LAMP3: variants seen among roughly 807,000 people sequenced by gnomAD.
LAMP3 encodes lysosome-associated membrane glycoprotein 3.
LAMP3 carries 26 observed loss-of-function variants against 34.8 expected under a neutral mutation model. That is an observed-to-expected ratio of 0.75 (90% CI 0.55 to 1.04). The LOEUF is 1.04. Among genes scored for constraint, LAMP3 ranks in the 50% least tolerant of loss-of-function variants. LAMP3 has a pLI of 0.00. For missense variants in LAMP3, 495 were observed against 524.0 expected, an observed-to-expected ratio of 0.94 and a Z score of 0.54; for synonymous variants, 180 against 201.9, an observed-to-expected ratio of 0.89 and a Z score of 0.92.
chr3:183,147,544 TGAA>T (rs770672997), intron 3 of LAMP3, among the ~76,000 whole-genome samples: 9 of 152,168 alleles, frequency 5.9e-5, no homozygotes, highest in Non-Finnish European at 1.3e-4. Context: ...TAATTTTTGA[TGAA>T]GACATATTTT....
intron 2 of LAMP3, among the ~76,000 whole-genome samples, chr3:183,153,423 C>A (rs1720718489): frequency 6.6e-6 from 1 of 152,076 alleles, no homozygotes; most frequent in Admixed American, 6.6e-5. Context: ...GACACTCTGC[C>A]CATGTTGGCT....
intron 3 of LAMP3, among the ~76,000 whole-genome samples, chr3:183,142,475 C>T (rs1256994189): frequency 4.6e-5 from 7 of 152,106 alleles, no homozygotes; most frequent in Admixed American, 3.9e-4. Flanking sequence ...GAATTCGCCA[C>T]GTGCATGCTT....
chr3:183,157,915 A>G (rs906938447), intron 1 of LAMP3, among the ~76,000 whole-genome samples: 2 of 152,166 alleles, frequency 1.3e-5, no homozygotes, highest in African/African-American at 4.8e-5. Flanking sequence ...CTATGTAGGA[A>G]GCCTTGGTGG....
chr3:183,144,279 T>C (rs147734681), intron 3 of LAMP3, among the ~76,000 whole-genome samples: 8 of 152,306 alleles, frequency 5.3e-5, no homozygotes, highest in African/African-American at 1.7e-4. Flanking sequence ...GCTAAAGATA[T>C]ACTATATGCG....
chr3:183,126,970 G>T (rs1719794414), intron 5 of LAMP3, among the ~76,000 whole-genome samples: 3 of 152,218 alleles, frequency 2.0e-5, no homozygotes, highest in Admixed American at 2.0e-4. Flanking sequence ...GTTCTAAAAA[G>T]AGATTATGAA....
chr3:183,134,030 T>C (rs1241154781), intron 5 of LAMP3, among the ~76,000 whole-genome samples: 1 of 152,208 alleles, frequency 6.6e-6, no homozygotes, highest in Non-Finnish European at 1.5e-5. Context: ...CCATATAGTA[T>C]GGTAACTTGC....
intron 3 of LAMP3, among the ~76,000 whole-genome samples, chr3:183,142,097 C>G (rs929844823): frequency 1.3e-5 from 2 of 152,186 alleles, no homozygotes; most frequent in African/African-American, 4.8e-5. Context: ...AGAAACATCT[C>G]TTTTAAAAAG....
In LAMP3 at chr3:183,123,042, G is replaced by C. The variant is rs1719705847; in HGVS notation, c.*1039C>G. 1 of 152,172 alleles carries C rather than the reference G, an allele frequency of 6.6e-6. No homozygotes were observed. The highest frequency in any genetic ancestry group is 6.5e-5 in the Admixed American group (1 of 15,278). The allele number at this position is 152,172 out of a possible 1,614,324, so 9.4% of individuals were successfully genotyped here. A position where few individuals can be genotyped will look rare whatever the true frequency, so the allele number is the denominator to read the frequency against. On this transcript the variant is annotated 3_prime_UTR_variant, in exon 6 of 6. Coordinates refer to ENST00000265598, the MANE Select transcript of LAMP3 (RefSeq NM_014398.4). Reference sequence around the variant, plus strand: ...GAGAATGAAATGAGATATAGATAAAGTGCTTAGCCTAGACTCTGGCACTTT... The same window carrying C: ...GAGAATGAAATGAGATATAGATAAACTGCTTAGCCTAGACTCTGGCACTTT...
intron 5 of LAMP3, chr3:183,133,068 G>A (rs1290662323): frequency 2.8e-6 from 1 of 355,732 alleles, no homozygotes; most frequent in African/African-American, 2.2e-5. Context: ...GGAAGATGGA[G>A]CTGTTGGGGC....
At chr3:183,139,741 CG>C (rs949118492) in intron 4 of LAMP3, among the ~76,000 whole-genome samples, 9 of 152,114 alleles carry the variant, frequency 5.9e-5, no homozygotes, top group African/African-American at 1.9e-4. Flanking sequence ...CGAATAAGGT[CG>C]GGGGGCAGTA....
intron 1 of LAMP3, 82 bp from the exon 2 acceptor site, chr3:183,154,473 G>T (rs765764598): frequency 1.7e-4 from 185 of 1,102,090 alleles, no homozygotes; most frequent in Non-Finnish European, 2.3e-4. Context: ...CTTAATGTCT[G>T]TTCATAAAAA....
intron 2 of LAMP3, 98 bp downstream of exon 2, chr3:183,153,584 T>C: frequency 1.3e-6 from 1 of 789,314 alleles, no homozygotes; most frequent in Non-Finnish European, 2.0e-6. Flanking sequence ...ATTGGTTTCA[T>C]TTAAAGACAC....
intron 5 of LAMP3, among the ~76,000 whole-genome samples, chr3:183,129,645 C>T (rs925688281): frequency 6.6e-6 from 1 of 152,150 alleles, no homozygotes; most frequent in Non-Finnish European, 1.5e-5. Flanking sequence ...TATCTTTAAA[C>T]TCTGATTACC....
chr3:183,149,479 A>T (rs1007980114), intron 3 of LAMP3, among the ~76,000 whole-genome samples: 9 of 141,664 alleles, frequency 6.4e-5, no homozygotes, highest in Non-Finnish European at 1.1e-4. Context: ...TGAGAGGCGG[A>T]GGTTGCAGTG....
chr3:183,161,048 A>G (rs1193142035), intron 1 of LAMP3: 1 of 152,320 alleles, frequency 6.6e-6, no homozygotes, highest in Non-Finnish European at 1.5e-5. Context: ...AGTTAACATC[A>G]CTGAGCAAAA....
Position 183,153,802 on chromosome 3 carries a change from C to A in LAMP3, c.639G>T (p.Gly213=). Residue 213 remains glycine (G), a synonymous_variant, in exon 2 of 6, where the codon GGG becomes GGT. Transcript: ENST00000265598. ...ACGATGGCTGAGGTGCAAGGGTGGG[C>A]CCAGGAACCGTGGAGGCAGGTGCAG... The part of the protein sequence containing the change: ...RTAAPASTVP[G]PTLAPQPSSV... 6.3e-7 allele frequency: 1 copy of A among 1,592,918 alleles called. No homozygotes were observed. The highest frequency in any genetic ancestry group is 8.6e-7 in the Non-Finnish European group (1 of 1,169,202).
At chr3:183,162,824 T>G, upstream of LAMP3, 1 of 614,128 alleles carries the variant, frequency 1.6e-6, no homozygotes, top group Non-Finnish European at 2.7e-6. Context: ...GCCGGCCCCC[T>G]CCTACCCCTA....
intron 1 of LAMP3, among the ~76,000 whole-genome samples, chr3:183,154,902 A>G (rs1429219244): frequency 6.6e-6 from 1 of 151,382 alleles, no homozygotes; most frequent in Non-Finnish European, 1.5e-5. Flanking sequence ...AAAGTCATCT[A>G]GTCCAAACTC....
Position 183,131,027 on chromosome 3 carries a change from C to T in LAMP3, c.1117+4690G>A, listed in dbSNP as rs750089626. On this transcript the variant is annotated intron_variant, in intron 5 of 5. Transcript: ENST00000265598. ...ACTGTGAGTAAATTACACATCCAAGCGTTTATTTACTGGCCATTCCAATGA... is the reference window on the plus strand; with the variant it reads ...ACTGTGAGTAAATTACACATCCAAGTGTTTATTTACTGGCCATTCCAATGA... Among the ~76,000 whole-genome samples, 12 of 152,264 alleles carry T rather than the reference C, an allele frequency of 7.9e-5. 1 individual carries two copies. The highest frequency in any genetic ancestry group is 6.8e-3 in the Middle Eastern group (2 of 294).
Sources: allele counts gnomAD v4.1 joint callset (sites outside exome capture counted in the v4.1 genomes callset), GRCh38; gene constraint gnomAD v4.1.1; transcripts MANE v1.5; gene names NCBI Gene and HGNC (gene_info 2026-07-23, HGNC 2026-07-21).